Variants in ALLC observed in about 807,000 individuals in gnomAD.
The protein encoded by ALLC is probable inactive allantoicase.
ALLC carries 40 observed loss-of-function variants against 45.0 expected under a neutral mutation model. The observed-to-expected ratio is 0.89, with a 90% CI of 0.69 to 1.16. The LOEUF (loss-of-function observed/expected upper bound fraction) is 1.16. Among genes scored for constraint, ALLC ranks in the 50% most tolerant of loss-of-function variants. The pLI is 0.00. For missense variants in ALLC, 488 were observed against 493.1 expected, an observed-to-expected ratio of 0.99 and a Z score of 0.10; for synonymous variants, 176 against 178.1, an observed-to-expected ratio of 0.99 and a Z score of 0.09.
intron 1 of ALLC, among the ~76,000 whole-genome samples, chr2:3,660,998 G>T (rs1408162803): frequency 6.6e-6 from 1 of 152,146 alleles, no homozygotes; most frequent in African/African-American, 2.4e-5. Context: ...AGAAATTTAG[G>T]ACTTATATCT....
intron 1 of ALLC, among the ~76,000 whole-genome samples, chr2:3,663,487 G>A (rs1233509611): frequency 6.6e-6 from 1 of 152,064 alleles, no homozygotes; most frequent in Non-Finnish European, 1.5e-5. Context: ...TAATACCTAG[G>A]TGATGGGTTG....
intron 1 of ALLC, among the ~76,000 whole-genome samples, chr2:3,670,083 C>T (rs9941597): frequency 0.11 from 16,073 of 152,088 alleles, 864 homozygotes; most frequent in African/African-American, 0.16. Context: ...ATGTCGGGAG[C>T]GCCTTCCAGC....
chr2:3,678,066 C>T (rs1035119122), intron 3 of ALLC, among the ~76,000 whole-genome samples: 4 of 152,214 alleles, frequency 2.6e-5, no homozygotes, highest in African/African-American at 9.6e-5. Flanking sequence ...GTCCAGCCTA[C>T]TCTTCCTATG....
intron 10 of ALLC, among the ~76,000 whole-genome samples, chr2:3,701,058 C>T (rs1572537073): frequency 6.6e-6 from 1 of 152,158 alleles, no homozygotes; most frequent in Admixed American, 6.5e-5. Context: ...GTGGCTGGTG[C>T]CCAGCGCTAG....
At chr2:3,697,621 G>GTCTGTCTGTCTATCTATCTA (rs1354630765) in intron 10 of ALLC, among the ~76,000 whole-genome samples, 165 bp downstream of exon 10, 38 of 125,442 alleles carry the variant, frequency 3.0e-4, no homozygotes, top group African/African-American at 9.4e-4. Flanking sequence ...CTGTCTGTCT[G>GTCTGTCTGTCTATCTATCTA]TCTATCTATC....
chr2:3,689,226 A>G (rs1461741732), intron 7 of ALLC, among the ~76,000 whole-genome samples: 1 of 150,114 alleles, frequency 6.7e-6, no homozygotes, highest in Non-Finnish European at 1.5e-5. Flanking sequence ...TTATCCTCTG[A>G]TCTTTATTTT....
the ALLC span, among the ~76,000 whole-genome samples, chr2:3,649,433 G>A: frequency 6.6e-6 from 1 of 152,056 alleles, no homozygotes; most frequent in Non-Finnish European, 1.5e-5. Context: ...AGTAGAGACG[G>A]GGTTTCACCG....
At chr2:3,701,414 T>C (rs1175580639) in intron 10 of ALLC, 98 bp from the exon 11 acceptor site, 5 of 1,391,032 alleles carry the variant, frequency 3.6e-6, no homozygotes, top group African/African-American at 1.5e-5. Flanking sequence ...GACTTGTTTT[T>C]TGCTGGGTTT....
At chr2:3,682,879 A>C in intron 6 of ALLC, 63 bp from the exon 7 acceptor site, 1 of 1,563,134 alleles carries the variant, frequency 6.4e-7, no homozygotes, top group African/African-American at 1.4e-5. Flanking sequence ...CCACAGAGGC[A>C]ATAGGATGAC....
intron 3 of ALLC, among the ~76,000 whole-genome samples, chr2:3,677,351 CCTT>C (rs1189544261): frequency 2.0e-5 from 3 of 152,150 alleles, no homozygotes; most frequent in African/African-American, 7.2e-5. Context: ...CTCCTTCTCT[CCTT>C]CTGGGTTCAG....
At position 3,682,945 on chromosome 2, in the gene ALLC, A is replaced by G; in HGVS notation, c.382A>G (p.Lys128Glu). 1 of 1,611,992 alleles carries G rather than the reference A, an allele frequency of 6.2e-7. No individual in the cohort carries two copies. Among genetic ancestry groups the G allele is most frequent in the Non-Finnish European group, 8.5e-7 (1 of 1,179,430 alleles). Residue 128 changes from lysine (K) to glutamate (E), a missense_variant, in exon 7 of 12, where the codon AAA becomes GAA. Coordinates refer to ENST00000252505, the MANE Select transcript of ALLC (RefSeq NM_018436.4). Reference sequence around the variant, plus strand: ...ACATTTCTATATTTATTGCTAGCTAAAATCCGACGACTGGAGTTACTTGGT... The same window carrying G: ...ACATTTCTATATTTATTGCTAGCTAGAATCCGACGACTGGAGTTACTTGGT... ...PEEFEAIAEL[K>E]SDDWSYLVPM...
intron 2 of ALLC, among the ~76,000 whole-genome samples, chr2:3,673,585 C>T (rs1055750793): frequency 6.6e-6 from 1 of 152,326 alleles, no homozygotes; most frequent in East Asian, 1.9e-4. Flanking sequence ...ACCTTGTATT[C>T]TGGATGTACA....
At chr2:3,649,332 C>T in the ALLC span, among the ~76,000 whole-genome samples, 2 of 151,670 alleles carry the variant, frequency 1.3e-5, no homozygotes, top group African/African-American at 2.4e-5. Context: ...AACTCCACCT[C>T]CTGGGTTCAC....
chr2:3,677,352 C>T (rs572844469), intron 3 of ALLC, among the ~76,000 whole-genome samples: 1 of 152,312 alleles, frequency 6.6e-6, no homozygotes, highest in African/African-American at 2.4e-5. Context: ...TCCTTCTCTC[C>T]TTCTGGGTTC....
At chr2:3,675,312 C>A (rs1666993935) in intron 3 of ALLC, among the ~76,000 whole-genome samples, 1 of 151,240 alleles carries the variant, frequency 6.6e-6, no homozygotes, top group African/African-American at 2.4e-5. Flanking sequence ...ATTGCTTGAG[C>A]CCAAGACGTT....
chr2:3,681,185 C>T (rs1027438805), intron 5 of ALLC, among the ~76,000 whole-genome samples: 1 of 152,078 alleles, frequency 6.6e-6, no homozygotes, highest in Admixed American at 6.5e-5. Context: ...ACTCTAAAAG[C>T]GGAAATGACC....
chr2:3,672,924 C>A (rs1368687525), intron 2 of ALLC, among the ~76,000 whole-genome samples: 6 of 152,256 alleles, frequency 3.9e-5, no homozygotes, highest in Non-Finnish European at 7.3e-5. Context: ...AGGGAAGACC[C>A]TGTGCCTGCC....
chr2:3,653,090 G>A, the ALLC span, among the ~76,000 whole-genome samples: 1 of 152,168 alleles, frequency 6.6e-6, no homozygotes, highest in African/African-American at 2.4e-5. This position sits in a 1 kb window ranked among gnomAD's most constrained non-coding sequence, Gnocchi z 4.1. Context: ...TCAAGTAACT[G>A]GCCTGAACAT....
At chr2:3,672,390 C>A (rs1464751985) in intron 2 of ALLC, among the ~76,000 whole-genome samples, 3 of 131,984 alleles carry the variant, frequency 2.3e-5, no homozygotes, top group Non-Finnish European at 3.3e-5. Flanking sequence ...GATCCGAGGT[C>A]CTCTGGCTCT....
Sources: allele counts gnomAD v4.1 joint callset (sites outside exome capture counted in the v4.1 genomes callset), GRCh38; gene constraint gnomAD v4.1.1; non-coding constraint Gnocchi (gnomAD v3.1); transcripts MANE v1.5; gene names NCBI Gene and HGNC (gene_info 2026-07-23, HGNC 2026-07-21).